Variants in FGF12 observed in about 807,000 individuals in gnomAD.
FGF12 encodes the protein fibroblast growth factor 12B.
A neutral mutation model predicts 23.6 loss-of-function variants in FGF12; 14 were observed. The observed-to-expected ratio is 0.59, with a 90% CI of 0.39 to 0.93. The LOEUF (loss-of-function observed/expected upper bound fraction) is 0.93. Ranked by LOEUF, FGF12 falls within the 40% of genes least tolerant of loss-of-function variation. The probability of loss-of-function intolerance (pLI) is 0.00; values close to 1 mark genes in which losing one functional copy is unlikely to be tolerated. For missense variants in FGF12, 175 were observed against 217.8 expected (o/e 0.80, Z 1.24); for synonymous variants, 62 against 77.3 (o/e 0.80, Z 1.04).
intron 4 of FGF12, among the ~76,000 whole-genome samples, chr3:192,174,470 T>C (rs1389975183): frequency 2.0e-5 from 3 of 152,180 alleles, no homozygotes; most frequent in Non-Finnish European, 4.4e-5. Flanking sequence ...GAGGCAGCTA[T>C]TAATACCTGA....
At chr3:192,499,258 G>A (rs1389710119) in intron 2 of FGF12, among the ~76,000 whole-genome samples, 1 of 151,770 alleles carries the variant, frequency 6.6e-6, no homozygotes, top group East Asian at 1.9e-4. Context: ...GAGTCAAAGA[G>A]GTTAAGAAAC....
At chr3:192,395,865 G>T (rs563500839) in intron 2 of FGF12, among the ~76,000 whole-genome samples, 1 of 152,214 alleles carries the variant, frequency 6.6e-6, no homozygotes, top group Non-Finnish European at 1.5e-5. Flanking sequence ...TGAAGGATAG[G>T]TGTGGAGGTT....
rs553306527 is a variant in FGF12, at chr3:192,323,027, T to C, written c.228+12334A>G. On this transcript the variant is annotated intron_variant, in intron 4 of 5. Transcript: ENST00000445105. ...AAATCAAAGCTATGATGGGATATCA[T>C]GTCACTCTAGTTAAAATGGCTGTTA... Among the ~76,000 whole-genome samples, 192 of 152,312 alleles carry C rather than the reference T, an allele frequency of 1.3e-3. 2 individuals carry two copies. Among genetic ancestry groups the C allele is most frequent in the Non-Finnish European group, 2.1e-3 (146 of 68,020 alleles).
chr3:192,388,399 T>A (rs1448074455), intron 2 of FGF12, among the ~76,000 whole-genome samples: 2 of 152,368 alleles, frequency 1.3e-5, no homozygotes, highest in East Asian at 1.9e-4. Context: ...ATAATTTATA[T>A]TGCATTTTAT....
rs571966903 is a variant in FGF12 at position 192,440,936 on chromosome 3, A to G, written c.14-80398T>C. Among the ~76,000 whole-genome samples, 19 of 152,378 alleles carry G rather than the reference A, an allele frequency of 1.2e-4. No individual in the cohort carries two copies. The East Asian group carries it at 3.5e-3, about 28-fold the overall frequency. On this transcript the variant is annotated intron_variant, in intron 2 of 5. Coordinates refer to ENST00000445105, the MANE Select transcript of FGF12 (RefSeq NM_004113.6). ...TCTCTCCAAGTTGAGTGCAAGCTCAATGACAGCAGGAACCCCATCTTACAT... is the reference window on the plus strand; with the variant it reads ...TCTCTCCAAGTTGAGTGCAAGCTCAGTGACAGCAGGAACCCCATCTTACAT...
intron 4 of FGF12, among the ~76,000 whole-genome samples, chr3:192,225,144 C>A (rs149346198): frequency 7.9e-5 from 12 of 152,250 alleles, no homozygotes; most frequent in Non-Finnish European, 1.2e-4. Context: ...CCTGGATATT[C>A]TGCCAGCAAG....
intron 2 of FGF12, among the ~76,000 whole-genome samples, chr3:192,664,306 T>C (rs2108686758): frequency 6.6e-6 from 1 of 152,170 alleles, no homozygotes; most frequent in East Asian, 1.9e-4. Context: ...GAGCACTTCC[T>C]GTTTTAAATG....
chr3:192,162,430 AAGAG>A (rs1266574610), intron 5 of FGF12, among the ~76,000 whole-genome samples: 1 of 152,122 alleles, frequency 6.6e-6, no homozygotes, highest in Non-Finnish European at 1.5e-5. Context: ...ATGAGGGACA[AAGAG>A]AGAGAAAGAG....
chr3:192,325,429 T>C (rs1394359817), intron 4 of FGF12, among the ~76,000 whole-genome samples: 1 of 152,180 alleles, frequency 6.6e-6, no homozygotes, highest in Non-Finnish European at 1.5e-5. Flanking sequence ...CTTTTCTCTA[T>C]TTAGGCATCA....
intron 2 of FGF12, among the ~76,000 whole-genome samples, chr3:192,668,500 C>T (rs1716982223): frequency 2.0e-5 from 3 of 152,158 alleles, no homozygotes. Flanking sequence ...TCCCACTCTC[C>T]TAGGTCTGTG....
At chr3:192,665,273 G>T (rs542900410) in intron 2 of FGF12, among the ~76,000 whole-genome samples, 1 of 152,062 alleles carries the variant, frequency 6.6e-6, no homozygotes, top group Non-Finnish European at 1.5e-5. Context: ...ACTTCATCAT[G>T]GTTCATGGAA....
At chr3:192,727,113 C>T in intron 2 of FGF12, 68 bp downstream of exon 2, 3 of 1,548,560 alleles carry the variant, frequency 1.9e-6, no homozygotes, top group Non-Finnish European at 2.6e-6. Context: ...CTGCAGTCCC[C>T]TCGCCGAGGA....
chr3:192,291,837 T>G (rs1181275740), intron 4 of FGF12, among the ~76,000 whole-genome samples: 1 of 152,182 alleles, frequency 6.6e-6, no homozygotes, highest in Non-Finnish European at 1.5e-5. Context: ...TTGACACAAC[T>G]TGTGGAGCAA....
rs1277963699 is a variant in FGF12 at position 192,561,413 on chromosome 3, A to G, written c.13+165768T>C. ...AGTCTCGCTCTTTCACCCAGGCTGG[A>G]GTGCAGTGGTGCAATCTCAGCCCAC... is the stretch of plus-strand genomic sequence containing the variant. On this transcript the variant is annotated intron_variant, in intron 2 of 5. Coordinates refer to ENST00000445105, the MANE Select transcript of FGF12 (RefSeq NM_004113.6). 2.6e-5 allele frequency among the ~76,000 whole-genome samples: 4 copies of G among 151,906 alleles called. No homozygotes were observed. In the East Asian group the frequency reaches 5.8e-4, roughly 22 times the overall value.
chr3:192,170,037 C>T (rs1715456887), intron 5 of FGF12, among the ~76,000 whole-genome samples: 1 of 144,476 alleles, frequency 6.9e-6, no homozygotes, highest in Admixed American at 7.2e-5. Flanking sequence ...AAACTGCATA[C>T]TAGATAGTAA....
chr3:192,447,353 A>T (rs1178096610), intron 2 of FGF12, among the ~76,000 whole-genome samples: 1 of 152,148 alleles, frequency 6.6e-6, no homozygotes, highest in Non-Finnish European at 1.5e-5. Flanking sequence ...AATGGGAAAC[A>T]TTGGGGTCTT....
intron 2 of FGF12, among the ~76,000 whole-genome samples, chr3:192,373,203 C>G (rs1212576988): frequency 6.6e-6 from 1 of 152,022 alleles, no homozygotes; most frequent in East Asian, 1.9e-4. Flanking sequence ...TGTAGCATCC[C>G]TGAGGGTGAG....
chr3:192,189,591 C>G (rs9881027), intron 4 of FGF12, among the ~76,000 whole-genome samples: 3,392 of 152,134 alleles, frequency 0.022, 137 homozygotes, highest in African/African-American at 0.078. Flanking sequence ...TCCAAGCTGA[C>G]TAGTGTCTTT....
At position 192,584,070 on chromosome 3, in the gene FGF12, A is replaced by C. The variant is rs187747365; in HGVS notation, c.13+143111T>G. Among the ~76,000 whole-genome samples, 147 of 152,336 alleles carry C rather than the reference A, an allele frequency of 9.6e-4. 1 individual carries two copies. Among genetic ancestry groups the C allele is most frequent in the Non-Finnish European group, 1.8e-3 (124 of 68,032 alleles). The stretch of plus-strand genomic sequence containing the variant: ...TAAATTCAATAAGGAGCCATTTAAG[A>C]GACGTGGAACTGGCTTCATCCCACA... On this transcript the variant is annotated intron_variant, in intron 2 of 5. Transcript: ENST00000445105.
Sources: gnomAD v4.1 joint callset for allele counts (sites outside exome capture counted in the v4.1 genomes callset) on GRCh38, gnomAD v4.1.1 for gene constraint, MANE v1.5 for transcripts, NCBI Gene and HGNC (gene_info 2026-07-23, HGNC 2026-07-21) for gene names.